The following ME2 variants were observed in gnomAD, a reference collection of about 807,000 sequenced individuals.
ME2 encodes the protein NAD-dependent malic enzyme, mitochondrial.
A neutral mutation model predicts 73.7 loss-of-function variants in ME2; 60 were observed. That is an observed-to-expected ratio of 0.81 (90% confidence interval 0.66 to 1.01). The LOEUF is 1.01. ME2 is among the 50% of genes least tolerant of loss of function. The probability of loss-of-function intolerance (pLI) is 0.00; values close to 1 mark genes in which losing one functional copy is unlikely to be tolerated. For synonymous variants in ME2, 199 were observed against 236.9 expected, an observed-to-expected ratio of 0.84 and a Z score of 1.47; for missense variants, 594 against 705.5, an observed-to-expected ratio of 0.84 and a Z score of 1.79.
chr18:50,927,571 G>A (rs949301835), intron 12 of ME2, among the ~76,000 whole-genome samples: 23 of 151,142 alleles, frequency 1.5e-4, no homozygotes, highest in African/African-American at 5.1e-4. Flanking sequence ...ATGTGGTGGC[G>A]GGTGCCTTTA....
chr18:50,890,364 T>C (rs1916578327), intron 1 of ME2, among the ~76,000 whole-genome samples: 1 of 152,208 alleles, frequency 6.6e-6, no homozygotes, highest in Non-Finnish European at 1.5e-5. Context: ...TCCACCCATC[T>C]CAGCCTCCCA....
chr18:50,920,237 A>G (rs1160852374), intron 7 of ME2, among the ~76,000 whole-genome samples: 1 of 152,174 alleles, frequency 6.6e-6, no homozygotes, highest in Non-Finnish European at 1.5e-5. Context: ...CCATGGGTTT[A>G]TCATTGTGCC....
At chr18:50,932,641 C>T (rs748096007) in intron 13 of ME2, 2 of 228,174 alleles carry the variant, frequency 8.8e-6, no homozygotes, top group African/African-American at 2.3e-5. Context: ...GTAACCCTTT[C>T]TATCTCCCCT....
intron 2 of ME2, among the ~76,000 whole-genome samples, chr18:50,897,151 G>C (rs1384280800): frequency 1.3e-5 from 2 of 152,228 alleles, no homozygotes; most frequent in South Asian, 2.1e-4. Context: ...AGCTGTTATT[G>C]AAGTCATTGA....
intron 10 of ME2, among the ~76,000 whole-genome samples, chr18:50,922,101 T>TA (rs1338861988): frequency 2.6e-5 from 4 of 152,242 alleles, no homozygotes; most frequent in African/African-American, 9.6e-5. Flanking sequence ...GTTCCAGTTC[T>TA]AAAATCTTTT....
chr18:50,917,399 T>C lies in ME2; in HGVS notation c.521T>C (p.Val174Ala). 1 of 1,613,548 alleles carries C rather than the reference T, an allele frequency of 6.2e-7. No individual in the cohort carries two copies. Among genetic ancestry groups the C allele is most frequent in the Non-Finnish European group, 8.5e-7 (1 of 1,179,600 alleles). ...ERILGLGDLG[V>A]YGMGIPVGKL... is the part of the protein sequence containing the mutation. ...ATTCTGGGTCTTGGAGATCTGGGTG[T>C]CTATGGAATGGGAATTCCAGTAGGA... Residue 174 changes from valine (V) to alanine (A), a missense_variant, in exon 6 of 16, where the codon GTC (valine) becomes GCC (alanine). Coordinates refer to ENST00000321341, the MANE Select transcript of ME2 (RefSeq NM_002396.5).
At chr18:50,900,006 GT>G (rs1916848439) in intron 2 of ME2, among the ~76,000 whole-genome samples, 2 of 152,128 alleles carry the variant, frequency 1.3e-5, no homozygotes, top group Non-Finnish European at 2.9e-5. Flanking sequence ...CAGAAAATAA[GT>G]TTGGATTAGA....
intron 15 of ME2, among the ~76,000 whole-genome samples, chr18:50,946,021 C>T (rs780161095): frequency 2.6e-5 from 4 of 152,064 alleles, no homozygotes; most frequent in Admixed American, 6.6e-5. Flanking sequence ...GAGCTGAGAT[C>T]GTGCCACTGC....
At chr18:50,935,873 G>T (rs566333090) in intron 13 of ME2, 14 of 147,316 alleles carry the variant, frequency 9.5e-5, no homozygotes, top group African/African-American at 3.2e-4. Context: ...AGACCAAAAA[G>T]AAAAAAAAAT....
At chr18:50,889,438 A>T (rs908189734) in intron 1 of ME2, among the ~76,000 whole-genome samples, 1 of 152,182 alleles carries the variant, frequency 6.6e-6, no homozygotes, top group East Asian at 1.9e-4. Flanking sequence ...CAGAGAGGGC[A>T]TGGAAACCCT....
chr18:50,884,169 T>C (rs1363838421), intron 1 of ME2, among the ~76,000 whole-genome samples: 1 of 152,196 alleles, frequency 6.6e-6, no homozygotes, highest in Non-Finnish European at 1.5e-5. Flanking sequence ...AAAATTACTT[T>C]TATATTTTAT....
At chr18:50,885,186 C>T (rs1055567756) in intron 1 of ME2, among the ~76,000 whole-genome samples, 2 of 152,152 alleles carry the variant, frequency 1.3e-5, no homozygotes, top group African/African-American at 4.8e-5. Context: ...ATAATGCTAT[C>T]TCTCCTGGAA....
At chr18:50,916,462 A>T (rs1917287065) in intron 5 of ME2, 1 of 417,438 alleles carries the variant, frequency 2.4e-6, no homozygotes, top group Admixed American at 4.3e-5. Flanking sequence ...GAGCTAGAAT[A>T]CAAGGTGAGC....
chr18:50,924,803 T>C (rs1917508233), intron 11 of ME2, among the ~76,000 whole-genome samples: 1 of 151,690 alleles, frequency 6.6e-6, no homozygotes, highest in Non-Finnish European at 1.5e-5. Context: ...TGCCCCAGCC[T>C]CCCAAGTAGC....
rs1347841432 is a variant in ME2, at chr18:50,879,122, C to G, written c.-199C>G. On this transcript the variant is annotated 5_prime_UTR_variant, in exon 1 of 16. Coordinates refer to ENST00000321341, the MANE Select transcript of ME2 (RefSeq NM_002396.5). ...CGGCTCCTCGCGCCCTCCCCTCTCT[C>G]GGCCGCTCTTCGGGCCGCCTCTGCG... 3.9e-5 allele frequency: 6 copies of G among 152,254 alleles called. No homozygotes were observed. Among genetic ancestry groups the G allele is most frequent in the African/African-American group, 1.4e-4 (6 of 41,452 alleles). 9.4% of individuals were successfully genotyped at this position (152,254 alleles called of 1,614,324 possible). A position where few individuals can be genotyped will look rare whatever the true frequency, so the allele number is the denominator to read the frequency against.
chr18:50,924,180 C>T lies in ME2; in HGVS notation c.1139C>T (p.Ala380Val). ...PESIPDTFED[A>V]VNILKPSTII... Reference sequence around the variant, plus strand: ...AGCATACCTGATACTTTTGAAGATGCAGTGAATATACTGAAGCCTTCAACT... The same window carrying T: ...AGCATACCTGATACTTTTGAAGATGTAGTGAATATACTGAAGCCTTCAACT... Residue 380 changes from alanine (A) to valine (V), a missense_variant, in exon 11 of 16, where the codon GCA becomes GTA. By Grantham distance (64) the Ala-to-Val change is moderately conservative. Transcript: ENST00000321341. 8 of 1,612,482 alleles carry T rather than the reference C, an allele frequency of 5.0e-6. No individual in the cohort carries two copies. Among genetic ancestry groups the T allele is most frequent in the Non-Finnish European group, 6.8e-6 (8 of 1,179,016 alleles).
rs962247944 is a variant in ME2 at position 50,924,185 on chromosome 18, A to C, written c.1144A>C (p.Asn382His). ...SIPDTFEDAV[N>H]ILKPSTIIGV... The stretch of plus-strand genomic sequence containing the variant: ...ACCTGATACTTTTGAAGATGCAGTG[A>C]ATATACTGAAGCCTTCAACTATAAT... The change falls in exon 11 of 16, where the codon AAT becomes CAT. Residue 382 changes from asparagine to histidine, a missense_variant. Transcript: ENST00000321341. 6.2e-7 allele frequency: 1 copy of C among 1,612,532 alleles called. No homozygotes were observed. The highest frequency in any genetic ancestry group is 1.1e-5 in the South Asian group (1 of 90,816).
Position 50,921,188 on chromosome 18 carries a change from G to C in ME2, c.1056+1G>C, listed in dbSNP as rs779068534. ...TGACAAGTATGGTTTATTAGTTAAG[G>C]TAAGGTATTTAAAATTTGGAGAAGC... On this transcript the variant is annotated splice_donor_variant, in intron 10 of 15. Transcript: ENST00000321341. LOFTEE classifies it high-confidence loss of function. The C allele has an allele frequency of 1.4e-6, 2 of 1,468,978 alleles. No individual in the cohort carries two copies. The highest frequency in any genetic ancestry group is 1.9e-6 in the Non-Finnish European group (2 of 1,075,640). The allele number at this position is 1,468,978 out of a possible 1,614,324, so 91.0% of individuals were successfully genotyped here. A position where few individuals can be genotyped will look rare whatever the true frequency, so the allele number is the denominator to read the frequency against.
In ME2 at chr18:50,922,365, G is replaced by C. The variant is rs983423363; in HGVS notation, c.1056+1178G>C. On this transcript the variant is annotated intron_variant, in intron 10 of 15. Coordinates refer to ENST00000321341, the MANE Select transcript of ME2 (RefSeq NM_002396.5). ...CCAAAGTCATCAGCTTATAAGTGAC[G>C]GAGGTAGGATTCAAAACCAAGTATC... Among the ~76,000 whole-genome samples, 4 of 152,296 alleles carry C rather than the reference G, an allele frequency of 2.6e-5. No homozygotes were observed. In the South Asian group the frequency reaches 8.3e-4, roughly 32 times the overall value.
Sources: gnomAD v4.1 joint callset for allele counts (sites outside exome capture counted in the v4.1 genomes callset) on GRCh38, gnomAD v4.1.1 for gene constraint, MANE v1.5 for transcripts, NCBI Gene and HGNC (gene_info 2026-07-23, HGNC 2026-07-21) for gene names.